RSRC1: variants seen among roughly 807,000 people sequenced by gnomAD.
RSRC1 encodes the protein serine/Arginine-related protein 53.
RSRC1 carries 39 observed loss-of-function variants against 49.1 expected under a neutral mutation model. That is an observed-to-expected ratio of 0.79 (90% CI 0.61 to 1.04). RSRC1 has a LOEUF of 1.04. RSRC1 is among the 50% of genes least tolerant of loss of function. The pLI, the probability that RSRC1 is intolerant of heterozygous loss-of-function variation, is 0.00. For missense variants in RSRC1, 388 were observed against 402.4 expected, an observed-to-expected ratio of 0.96 and a Z score of 0.31; for synonymous variants, 143 against 130.8, an observed-to-expected ratio of 1.09 and a Z score of -0.63.
rs1717049438 is a variant in RSRC1 at position 158,145,679 on chromosome 3, G to A, written c.320+21688G>A. ...TTCAATTCTGTGAAGAAAGTCATTGGCAGCTTGATGGGGATGGCATTGAAT... is the reference window on the plus strand; with the variant it reads ...TTCAATTCTGTGAAGAAAGTCATTGACAGCTTGATGGGGATGGCATTGAAT... On this transcript the variant is annotated intron_variant, in intron 3 of 9. Transcript: ENST00000611884. 2.0e-5 allele frequency among the ~76,000 whole-genome samples: 3 copies of A among 152,258 alleles called. No individual in the cohort carries two copies. The East Asian group carries it at 5.8e-4, about 29-fold the overall frequency.
chr3:158,112,209 G>A (rs1206558224), intron 1 of RSRC1, among the ~76,000 whole-genome samples: 1 of 152,210 alleles, frequency 6.6e-6, no homozygotes, highest in Admixed American at 6.5e-5. Flanking sequence ...ATCATTCATT[G>A]CCCTTATCAG....
At chr3:158,155,280 T>C (rs1198617649) in intron 3 of RSRC1, among the ~76,000 whole-genome samples, 1 of 152,212 alleles carries the variant, frequency 6.6e-6, no homozygotes, top group African/African-American at 2.4e-5. Flanking sequence ...AAAATGTATT[T>C]CTTAAATAGT....
chr3:158,326,962 G>A (rs555030887), intron 5 of RSRC1, among the ~76,000 whole-genome samples: 26 of 152,252 alleles, frequency 1.7e-4, no homozygotes, highest in African/African-American at 6.3e-4. Context: ...TCTTGGGAGG[G>A]TGTATGTGTC....
At chr3:158,321,249 T>C (rs1278151937) in intron 5 of RSRC1, among the ~76,000 whole-genome samples, 1 of 148,036 alleles carries the variant, frequency 6.8e-6, no homozygotes, top group Non-Finnish European at 1.5e-5. Flanking sequence ...TTCTCTCTCT[T>C]CCTTCTTCTT....
chr3:158,272,535 T>G (rs1413321286), intron 4 of RSRC1, among the ~76,000 whole-genome samples: 1 of 152,148 alleles, frequency 6.6e-6, no homozygotes, highest in Non-Finnish European at 1.5e-5. Flanking sequence ...AGTTTATTCT[T>G]TGTGTAGAAG....
intron 7 of RSRC1, among the ~76,000 whole-genome samples, chr3:158,482,251 A>C (rs1738639874): frequency 6.6e-6 from 1 of 152,060 alleles, no homozygotes. Context: ...AGCATTGCTG[A>C]GGGTCTTATC....
chr3:158,518,380 T>C (rs1257082753), intron 7 of RSRC1, among the ~76,000 whole-genome samples: 1 of 151,266 alleles, frequency 6.6e-6, no homozygotes, highest in East Asian at 1.9e-4. Flanking sequence ...AAAAGATTTT[T>C]TTTTTTGTCA....
At chr3:158,395,761 A>G (rs898584896) in intron 6 of RSRC1, among the ~76,000 whole-genome samples, 14 of 152,186 alleles carry the variant, frequency 9.2e-5, no homozygotes, top group African/African-American at 3.4e-4. Flanking sequence ...TGTGAAAAGC[A>G]GTTTGGTGAT....
rs187574019 is a variant in RSRC1, at chr3:158,365,472, A to G, written c.583+10564A>G. On this transcript the variant is annotated intron_variant, in intron 6 of 9. Coordinates refer to ENST00000611884, the MANE Select transcript of RSRC1 (RefSeq NM_001271838.2). The stretch of plus-strand genomic sequence containing the variant: ...CTTCATCCATGTCCCTGCAAAGGAC[A>G]TGAACTCATCCTTTTTATGGCTACA... Among the ~76,000 whole-genome samples, 3 of 152,340 alleles carry G rather than the reference A, an allele frequency of 2.0e-5. No homozygotes were observed. The East Asian group carries it at 5.8e-4, about 29-fold the overall frequency.
intron 4 of RSRC1, among the ~76,000 whole-genome samples, chr3:158,266,474 A>G (rs1421947865): frequency 6.6e-6 from 1 of 152,024 alleles, no homozygotes; most frequent in African/African-American, 2.4e-5. Flanking sequence ...AGTCTTTTGA[A>G]ATATATTTAT....
chr3:158,372,405 A>G (rs1732132055), intron 6 of RSRC1, among the ~76,000 whole-genome samples: 1 of 151,994 alleles, frequency 6.6e-6, no homozygotes, highest in Non-Finnish European at 1.5e-5. Context: ...TGTTGAAAAG[A>G]TGTTTTTCAT....
intron 7 of RSRC1, among the ~76,000 whole-genome samples, chr3:158,529,214 G>GTGTGTGTGTA (rs374368016): frequency 1.4e-5 from 2 of 143,126 alleles, no homozygotes; most frequent in African/African-American, 2.6e-5. Context: ...ATGTGTGTGT[G>GTGTGTGTGTA]TATATATATA....
chr3:158,438,189 A>G (rs1482591468), intron 6 of RSRC1, among the ~76,000 whole-genome samples: 3 of 152,198 alleles, frequency 2.0e-5, no homozygotes, highest in African/African-American at 7.2e-5. Flanking sequence ...CAGTGGAAGA[A>G]TATTTCATGC....
chr3:158,518,148 A>ATAT (rs1310027981), intron 7 of RSRC1, among the ~76,000 whole-genome samples: 1 of 44,138 alleles, frequency 2.3e-5, no homozygotes, highest in Admixed American at 3.4e-4. Flanking sequence ...ATATATATAT[A>ATAT]TTTTTTTTTT....
chr3:158,343,945 C>T (rs1259595166), intron 5 of RSRC1, among the ~76,000 whole-genome samples: 1 of 152,106 alleles, frequency 6.6e-6, no homozygotes, highest in Non-Finnish European at 1.5e-5. Context: ...TATAAACCAA[C>T]AGACCCAAGA....
intron 4 of RSRC1, among the ~76,000 whole-genome samples, chr3:158,264,195 A>C (rs1272091693): frequency 1.3e-5 from 2 of 152,138 alleles, no homozygotes; most frequent in African/African-American, 4.8e-5. Flanking sequence ...TTTCTTTAGC[A>C]GCATCCCACA....
chr3:158,219,757 T>C (rs16828774), intron 4 of RSRC1, among the ~76,000 whole-genome samples: 11,616 of 151,466 alleles, frequency 0.077, 540 homozygotes, highest in South Asian at 0.13. Flanking sequence ...TTAATAAAGG[T>C]AGTGGCAGCT....
chr3:158,544,107 T>G, intron 9 of RSRC1, 76 bp from the exon 10 acceptor site: 2 of 943,860 alleles, frequency 2.1e-6, no homozygotes, highest in Non-Finnish European at 3.4e-6. Context: ...TCTACAAAGG[T>G]GAGTTCTGTC....
rs10530687 is a variant in RSRC1, at chr3:158,194,054, T to TACACACACACAC, written c.321-8980_321-8969dup. 2.9e-3 allele frequency among the ~76,000 whole-genome samples: 420 copies of TACACACACACAC among 144,146 alleles called. 2 individuals carry two copies. Among genetic ancestry groups the TACACACACACAC allele is most frequent in the African/African-American group, 0.01 (385 of 38,180 alleles). 94.6% of individuals were successfully genotyped at this position (144,146 alleles called of 152,430 possible). A position where few individuals can be genotyped will look rare whatever the true frequency, so the allele number is the denominator to read the frequency against. On this transcript the variant is annotated intron_variant, in intron 3 of 9. Transcript: ENST00000611884. ...GGGCAAAATAGTGAGACCCCGTCTA[T>TACACACACACAC]ACACACACACACACACACACACACA...
Sources: gnomAD v4.1 joint callset for allele counts (sites outside exome capture counted in the v4.1 genomes callset) on GRCh38, gnomAD v4.1.1 for gene constraint, MANE v1.5 for transcripts, NCBI Gene and HGNC (gene_info 2026-07-23, HGNC 2026-07-21) for gene names.